The following NTM variants were observed in gnomAD, a reference collection of about 807,000 sequenced individuals.
The protein encoded by NTM is neurotrimin.
A neutral mutation model predicts 42.1 loss-of-function variants in NTM; 13 were observed. The ratio of observed to expected loss-of-function variants is 0.31; its 90% CI spans 0.20 to 0.49. The LOEUF (loss-of-function observed/expected upper bound fraction) is 0.49, where lower values mean the gene tolerates loss of function less well. Ranked by LOEUF, NTM falls within the 20% of genes least tolerant of loss-of-function variation. The probability of loss-of-function intolerance (pLI) is 0.99; values close to 1 mark genes in which losing one functional copy is unlikely to be tolerated. For synonymous variants in NTM, 187 were observed against 179.2 expected (o/e 1.04, Z -0.35); for missense variants, 373 against 452.8 (o/e 0.82, Z 1.60).
At chr11:131,515,462 C>G (rs185066297) in intron 1 of NTM, among the ~76,000 whole-genome samples, 1 of 152,248 alleles carries the variant, frequency 6.6e-6, no homozygotes, top group Non-Finnish European at 1.5e-5. Context: ...TCTATCCTCC[C>G]CCAGCATGAA....
intron 2 of NTM, among the ~76,000 whole-genome samples, chr11:132,096,415 T>C (rs2060994881): frequency 6.6e-6 from 1 of 152,124 alleles, no homozygotes; most frequent in African/African-American, 2.4e-5. Context: ...AGGGCTGTAA[T>C]TGGGTTGAAG....
chr11:131,749,149 G>T (rs1455876876), intron 1 of NTM, among the ~76,000 whole-genome samples: 1 of 152,230 alleles, frequency 6.6e-6, no homozygotes, highest in East Asian at 1.9e-4. Context: ...TCCGGATGAA[G>T]TTGTTCTGAA....
At chr11:132,026,412 T>A (rs908848513) in intron 2 of NTM, among the ~76,000 whole-genome samples, 1 of 152,200 alleles carries the variant, frequency 6.6e-6, no homozygotes, top group African/African-American at 2.4e-5. Context: ...ATATGAGACA[T>A]CCCTGGCTGT....
In NTM at chr11:132,146,699, G is replaced by C; in HGVS notation, c.400+185G>C. On this transcript the variant is annotated intron_variant, in intron 3 of 8. Coordinates refer to ENST00000683400, the MANE Select transcript of NTM (RefSeq NM_001352005.2). The surrounding 1 kb of genome is among the most constrained non-coding windows in gnomAD (Gnocchi z 4.5). ...AATTTTCCAGTCATTTTCATTGAGT[G>C]GAACTAGGAATTGTTTTTTTCATTT... is the stretch of plus-strand genomic sequence containing the variant. The C allele has an allele frequency of 2.0e-6, 1 of 510,422 alleles. No individual in the cohort carries two copies. Among genetic ancestry groups the C allele is most frequent in the Non-Finnish European group, 3.4e-6 (1 of 296,502 alleles). 31.6% of individuals were successfully genotyped at this position (510,422 alleles called of 1,614,324 possible).
At chr11:132,255,409 C>T (rs1347870338) in intron 4 of NTM, among the ~76,000 whole-genome samples, 2 of 152,166 alleles carry the variant, frequency 1.3e-5, no homozygotes, top group Non-Finnish European at 2.9e-5. Context: ...GTGGCTCTGA[C>T]GGTGTTCCAT....
chr11:132,233,105 C>T (rs556860974), intron 4 of NTM, among the ~76,000 whole-genome samples: 11 of 152,230 alleles, frequency 7.2e-5, no homozygotes, highest in South Asian at 2.1e-4. Context: ...AAAGGAACAA[C>T]GGGATTGATA....
intron 3 of NTM, among the ~76,000 whole-genome samples, chr11:132,203,781 C>T (rs1320525331): frequency 1.3e-5 from 2 of 152,060 alleles, no homozygotes; most frequent in African/African-American, 4.8e-5. Flanking sequence ...TGCCTGTAGT[C>T]CCAGCTACTC....
At chr11:131,978,959 C>G (rs1354707963) in intron 2 of NTM, among the ~76,000 whole-genome samples, 1 of 152,102 alleles carries the variant, frequency 6.6e-6, no homozygotes, top group Non-Finnish European at 1.5e-5. Flanking sequence ...AAACAAAACT[C>G]TTGTCTGGGT....
chr11:131,377,033 A>G (rs1036657439), intron 1 of NTM, among the ~76,000 whole-genome samples: 9 of 152,312 alleles, frequency 5.9e-5, no homozygotes, highest in African/African-American at 1.7e-4. Context: ...GGAAAGCAAC[A>G]ACAGCAGTAC....
Position 131,591,132 on chromosome 11 carries a change from C to T in NTM, c.82+220244C>T, listed in dbSNP as rs1214644183. On this transcript the variant is annotated intron_variant, in intron 1 of 8. Transcript: ENST00000683400. ...TTCAACTTCTTAGGGAAATTTCTTGCCAGCTCAGCTGTTAAGACTCAAATT... is the reference window on the plus strand; with the variant it reads ...TTCAACTTCTTAGGGAAATTTCTTGTCAGCTCAGCTGTTAAGACTCAAATT... 2.6e-5 allele frequency among the ~76,000 whole-genome samples: 4 copies of T among 152,204 alleles called. No individual in the cohort carries two copies. The East Asian group carries it at 7.7e-4, about 29-fold the overall frequency.
At chr11:131,591,118 A>C (rs2059327254) in intron 1 of NTM, among the ~76,000 whole-genome samples, 1 of 152,192 alleles carries the variant, frequency 6.6e-6, no homozygotes, top group African/African-American at 2.4e-5. Flanking sequence ...TCAACTTCTT[A>C]GGGAAATTTC....
At chr11:131,771,998 T>C (rs1038008013) in intron 1 of NTM, among the ~76,000 whole-genome samples, 1 of 152,200 alleles carries the variant, frequency 6.6e-6, no homozygotes, top group Non-Finnish European at 1.5e-5. Context: ...TCATTATTCC[T>C]CCCAACCTAA....
chr11:131,611,442 A>G (rs1467101379), intron 1 of NTM, among the ~76,000 whole-genome samples: 1 of 152,212 alleles, frequency 6.6e-6, no homozygotes, highest in East Asian at 1.9e-4. Context: ...GAATGTGGTA[A>G]TTACAGGATA....
At chr11:132,280,661 T>C (rs1024650049) in intron 4 of NTM, among the ~76,000 whole-genome samples, 1 of 151,976 alleles carries the variant, frequency 6.6e-6, no homozygotes, top group Non-Finnish European at 1.5e-5. Context: ...GATTTTTGTA[T>C]TTTTAGTAGA....
chr11:132,314,988 GA>G (rs1479590880), intron 7 of NTM: 1 of 1,174,784 alleles, frequency 8.5e-7, no homozygotes, highest in African/African-American at 1.6e-5. Flanking sequence ...GTGGGAAAAG[GA>G]AAATGAAAAA....
chr11:131,851,588 CAG>C (rs1241892341), intron 1 of NTM, among the ~76,000 whole-genome samples: 1 of 149,478 alleles, frequency 6.7e-6, no homozygotes, highest in African/African-American at 2.5e-5. Flanking sequence ...GAGGTGGACT[CAG>C]GGGAAGCCTT....
chr11:131,638,654 C>A (rs1334026601), intron 1 of NTM, among the ~76,000 whole-genome samples: 1 of 149,294 alleles, frequency 6.7e-6, no homozygotes, highest in Non-Finnish European at 1.5e-5. Flanking sequence ...ATGAAATGGG[C>A]TGGCTTCAAG....
At chr11:131,804,977 C>A (rs2092397783) in intron 1 of NTM, among the ~76,000 whole-genome samples, 1 of 152,174 alleles carries the variant, frequency 6.6e-6, no homozygotes, top group African/African-American at 2.4e-5. Context: ...GGGATGACAT[C>A]AGGCATTAAA....
In NTM at chr11:132,254,298, G is replaced by A. The variant is rs115530593; in HGVS notation, c.526+42151G>A. 3.1e-3 allele frequency among the ~76,000 whole-genome samples: 476 copies of A among 151,872 alleles called. 2 individuals carry two copies. Among genetic ancestry groups the A allele is most frequent in the African/African-American group, 0.011 (450 of 41,438 alleles). ...CCCAGCATTCTTCAATCTCCTTCTC[G>A]CCCACTTGTCTCCTGGTTGCTTCTC... On this transcript the variant is annotated intron_variant, in intron 4 of 8. Coordinates refer to ENST00000683400, the MANE Select transcript of NTM (RefSeq NM_001352005.2).
Sources: gnomAD v4.1 joint callset for allele counts (sites outside exome capture counted in the v4.1 genomes callset) on GRCh38, gnomAD v4.1.1 for gene constraint, Gnocchi (gnomAD v3.1) non-coding constraint, MANE v1.5 for transcripts, NCBI Gene and HGNC (gene_info 2026-07-23, HGNC 2026-07-21) for gene names.